The following TLE4 variants were observed in gnomAD, a reference collection of about 807,000 sequenced individuals.
TLE4 encodes transducin-like enhancer protein 4.
A neutral mutation model predicts 92.8 loss-of-function variants in TLE4; 8 were observed. The ratio of observed to expected loss-of-function variants is 0.09; its 90% CI spans 0.05 to 0.16. TLE4 has a LOEUF of 0.16. Among genes scored for constraint, TLE4 ranks in the 10% least tolerant of loss-of-function variants. The probability of loss-of-function intolerance (pLI) is 1.00; values close to 1 mark genes in which losing one functional copy is unlikely to be tolerated. For missense variants in TLE4, 675 were observed against 997.6 expected, an observed-to-expected ratio of 0.68 and a Z score of 4.36; for synonymous variants, 371 against 374.1, an observed-to-expected ratio of 0.99 and a Z score of 0.10.
At chr9:79,707,246 A>G in intron 11 of TLE4, 2 of 1,580,082 alleles carry the variant, frequency 1.3e-6, no homozygotes, top group Non-Finnish European at 1.7e-6. Flanking sequence ...CTTGAATGTG[A>G]TTTTGTTGCT....
chr9:79,690,414 A>G (rs942926824), intron 8 of TLE4, among the ~76,000 whole-genome samples: 4 of 152,202 alleles, frequency 2.6e-5, no homozygotes, highest in African/African-American at 9.7e-5. Context: ...ATCAGAATTT[A>G]TTCTTTAACA....
At chr9:79,624,177 GAAAAAAA>G (rs5898638) in intron 5 of TLE4, among the ~76,000 whole-genome samples, 2 of 132,782 alleles carry the variant, frequency 1.5e-5, no homozygotes, top group East Asian at 4.4e-4. Context: ...CCCGAAAATG[GAAAAAAA>G]AAAAAAAAAA....
intron 18 of TLE4, 135 bp downstream of exon 18, chr9:79,722,736 G>A: frequency 1.7e-6 from 2 of 1,152,880 alleles, no homozygotes; most frequent in Non-Finnish European, 2.4e-6. Flanking sequence ...CCTGATACAT[G>A]CCTGCTTCCC....
At chr9:79,626,975 A>G (rs1185043889) in intron 5 of TLE4, among the ~76,000 whole-genome samples, 1 of 152,228 alleles carries the variant, frequency 6.6e-6, no homozygotes, top group African/African-American at 2.4e-5. Context: ...CCAGGAAACA[A>G]TTTTTAAAAA....
At chr9:79,721,587 T>A (rs1420445094) in intron 16 of TLE4, among the ~76,000 whole-genome samples, 154 bp from the exon 17 acceptor site, 1 of 152,242 alleles carries the variant, frequency 6.6e-6, no homozygotes, top group Non-Finnish European at 1.5e-5. Context: ...TTGTATATGC[T>A]TTGTTATTAC....
At chr9:79,677,019 A>G (rs897124433) in intron 8 of TLE4, among the ~76,000 whole-genome samples, 1 of 152,124 alleles carries the variant, frequency 6.6e-6, no homozygotes, top group Non-Finnish European at 1.5e-5. Flanking sequence ...GGAAGGTATA[A>G]TGGTATAAAA....
At position 79,616,778 on chromosome 9, in the gene TLE4, T is replaced by C. The variant is rs956148709; in HGVS notation, c.315+4060T>C. On this transcript the variant is annotated intron_variant, in intron 5 of 19. Transcript: ENST00000376552. ...TCCCCCAATTCCAGGAACATATCTA[T>C]GTAGAGAGTCTAAGGTGGACCTAAA... is the stretch of plus-strand genomic sequence containing the variant. Among the ~76,000 whole-genome samples the C allele has an allele frequency of 3.3e-5, 5 of 152,258 alleles. 1 individual carries two copies. The South Asian group carries it at 1.0e-3, about 31-fold the overall frequency.
intron 2 of TLE4, 52 bp from the exon 3 acceptor site, chr9:79,574,821 G>A: frequency 6.8e-7 from 1 of 1,475,200 alleles, no homozygotes; most frequent in Non-Finnish European, 9.5e-7. Flanking sequence ...TTTAAGAGTT[G>A]AAGGATGTAA....
chr9:79,583,518 T>A (rs1319237604), intron 4 of TLE4, among the ~76,000 whole-genome samples: 1 of 152,186 alleles, frequency 6.6e-6, no homozygotes, highest in Non-Finnish European at 1.5e-5. Context: ...TGTGGTGTGC[T>A]TGGGACCTCT....
At chr9:79,574,525 G>C (rs1023208559) in intron 2 of TLE4, among the ~76,000 whole-genome samples, 5 of 152,032 alleles carry the variant, frequency 3.3e-5, no homozygotes, top group African/African-American at 1.2e-4. Context: ...ACTTATTTGT[G>C]CTTGTATGTG....
At chr9:79,613,842 G>T (rs2048909913) in intron 5 of TLE4, among the ~76,000 whole-genome samples, 1 of 152,062 alleles carries the variant, frequency 6.6e-6, no homozygotes, top group Non-Finnish European at 1.5e-5. Context: ...GAGTAACTAT[G>T]GGTACCCTTC....
chr9:79,664,858 CT>C (rs1160355749), intron 8 of TLE4, among the ~76,000 whole-genome samples: 1 of 152,148 alleles, frequency 6.6e-6, no homozygotes, highest in Non-Finnish European at 1.5e-5. Flanking sequence ...ATTCCCTTCT[CT>C]TTTCTTCCTT....
At chr9:79,664,638 A>G (rs1195573922) in intron 8 of TLE4, among the ~76,000 whole-genome samples, 2 of 152,202 alleles carry the variant, frequency 1.3e-5, no homozygotes, top group Non-Finnish European at 2.9e-5. Context: ...GTAAGCGTCC[A>G]GGAACAGTAC....
chr9:79,719,869 T>C (rs1282617422), intron 15 of TLE4, among the ~76,000 whole-genome samples, 177 bp from the exon 16 acceptor site: 1 of 152,218 alleles, frequency 6.6e-6, no homozygotes, highest in Non-Finnish European at 1.5e-5. Flanking sequence ...AGATCAACTT[T>C]AAGTACTTCC....
At chr9:79,637,031 T>C (rs1052770969) in intron 6 of TLE4, among the ~76,000 whole-genome samples, 4 of 109,026 alleles carry the variant, frequency 3.7e-5, no homozygotes, top group African/African-American at 1.1e-4. Context: ...GTTTCACTTA[T>C]AGTATGATAT....
intron 6 of TLE4, among the ~76,000 whole-genome samples, chr9:79,632,026 T>G (rs1446626981): frequency 6.6e-6 from 1 of 152,176 alleles, no homozygotes; most frequent in Non-Finnish European, 1.5e-5. Flanking sequence ...CGTGTACCCC[T>G]CAGTTCCTTT....
chr9:79,689,869 A>G (rs1238081755), intron 8 of TLE4, among the ~76,000 whole-genome samples: 3 of 152,128 alleles, frequency 2.0e-5, no homozygotes, highest in African/African-American at 7.2e-5. Flanking sequence ...ATCACCTGGG[A>G]GCTTTTAAGA....
chr9:79,585,425 A>G (rs1226872909), intron 4 of TLE4, among the ~76,000 whole-genome samples: 1 of 152,196 alleles, frequency 6.6e-6, no homozygotes, highest in African/African-American at 2.4e-5. Context: ...ATACTCCACC[A>G]TCAGCATACT....
At chr9:79,603,446 C>T (rs1215055248) in intron 4 of TLE4, among the ~76,000 whole-genome samples, 3 of 152,122 alleles carry the variant, frequency 2.0e-5, no homozygotes, top group Non-Finnish European at 2.9e-5. Context: ...GATCATGGCT[C>T]ACTGAAAGCT....
Sources: allele counts gnomAD v4.1 joint callset (sites outside exome capture counted in the v4.1 genomes callset), GRCh38; gene constraint gnomAD v4.1.1; transcripts MANE v1.5; gene names NCBI Gene and HGNC (gene_info 2026-07-23, HGNC 2026-07-21).